UBE2D2: variants seen among roughly 807,000 people sequenced by gnomAD.
The protein encoded by UBE2D2 is ubiquitin-conjugating enzyme E2 D2.
UBE2D2 carries 2 observed loss-of-function variants against 24.2 expected under a neutral mutation model. That is an observed-to-expected ratio of 0.08 (90% CI 0.03 to 0.26). UBE2D2 has a LOEUF of 0.26. Ranked by LOEUF, UBE2D2 falls within the 10% of genes least tolerant of loss-of-function variation. UBE2D2 has a pLI of 1.00. For synonymous variants in UBE2D2, 58 were observed against 56.5 expected (o/e 1.03, Z -0.12); for missense variants, 44 against 177.6 (o/e 0.25, Z 4.28).
rs976867186 is a variant in UBE2D2, at chr5:139,561,608, C to T, written c.-184C>T. On this transcript the variant is annotated 5_prime_UTR_variant, in exon 1 of 7. Coordinates refer to ENST00000398733, the MANE Select transcript of UBE2D2 (RefSeq NM_003339.3). ...CCGCCGGGTGATGCGGTGACCGCTGCGGCAGGCCCAGGAGCTGAGTGGGCC... is the reference window on the plus strand; with the variant it reads ...CCGCCGGGTGATGCGGTGACCGCTGTGGCAGGCCCAGGAGCTGAGTGGGCC... 8.7e-5 allele frequency: 39 copies of T among 448,232 alleles called. No homozygotes were observed. The highest frequency in any genetic ancestry group is 1.2e-4 in the African/African-American group (6 of 48,878). 27.8% of individuals were successfully genotyped at this position (448,232 alleles called of 1,614,324 possible).
intron 1 of UBE2D2, among the ~76,000 whole-genome samples, chr5:139,548,193 A>AAAAAAAAAAATAAATAAATAAAT: frequency 4.2e-4 from 20 of 47,104 alleles, no homozygotes; most frequent in Non-Finnish European, 6.5e-4. Flanking sequence ...ATAAAAAAAA[A>AAAAAAAAAAATAAATAAATAAAT]AAATAAATAA....
chr5:139,604,502 G>T (rs74657279), intron 2 of UBE2D2, among the ~76,000 whole-genome samples: 1 of 152,112 alleles, frequency 6.6e-6, no homozygotes, highest in Non-Finnish European at 1.5e-5. Context: ...CAAAGGATCC[G>T]AGTAGACATT....
At chr5:139,596,908 G>A (rs1160980687) in intron 1 of UBE2D2, among the ~76,000 whole-genome samples, 2 of 151,784 alleles carry the variant, frequency 1.3e-5, no homozygotes, top group African/African-American at 2.4e-5. Context: ...TTAGCCCGGC[G>A]TGGTGGTGGG....
intron 1 of UBE2D2, among the ~76,000 whole-genome samples, chr5:139,572,538 G>A (rs1231247797): frequency 1.3e-5 from 2 of 151,994 alleles, no homozygotes; most frequent in Admixed American, 6.6e-5. Context: ...TAAGGCTGCA[G>A]TGAGCTGTGA....
intron 1 of UBE2D2, 45 bp from the exon 2 acceptor site, chr5:139,600,327 G>T (rs779619366): frequency 1.0e-5 from 16 of 1,585,040 alleles, no homozygotes; most frequent in Non-Finnish European, 1.3e-5. Context: ...TGGATAAAAG[G>T]TACATTTATG....
upstream of UBE2D2, chr5:139,561,167 C>A (rs1409631903): frequency 6.5e-6 from 1 of 152,688 alleles, no homozygotes; most frequent in Non-Finnish European, 1.5e-5. Context: ...CCGCCCAGGG[C>A]TTCGCAGCGT....
At chr5:139,547,975 G>A (rs556569899) in intron 1 of UBE2D2, among the ~76,000 whole-genome samples, 52 of 151,834 alleles carry the variant, frequency 3.4e-4, no homozygotes, top group Admixed American at 2.0e-3. Flanking sequence ...GATTACAGGC[G>A]TGAGCCACCG....
At chr5:139,529,023 C>G (rs139723281) in intron 1 of UBE2D2, among the ~76,000 whole-genome samples, 5,695 of 152,288 alleles carry the variant, frequency 0.037, 132 homozygotes, top group Non-Finnish European at 0.058. Context: ...AAAATTTGGA[C>G]TTGTACAATA....
At position 139,530,898 on chromosome 5, in the gene UBE2D2, C is replaced by T. The variant is rs1752589973; in HGVS notation, c.-64+4286C>T. ...AATAGTAATAGGAACCTGCTTACTG[C>T]TCCCTTGTCTTATACCTGTATTTCT... On this transcript the variant is annotated intron_variant, in intron 1 of 6. Coordinates refer to the UBE2D2 transcript ENST00000511725. Among the ~76,000 whole-genome samples, 5 of 152,218 alleles carry T rather than the reference C, an allele frequency of 3.3e-5. No individual in the cohort carries two copies. In the South Asian group the frequency reaches 1.0e-3, roughly 32 times the overall value.
chr5:139,555,133 C>T lies in UBE2D2; in HGVS notation c.-64+28521C>T, dbSNP rs141586513. ...CAATCTTGGCTAACTGCAACTTCTG[C>T]GTCCCAGGTTCAAGCGATTCTCCTG... On this transcript the variant is annotated intron_variant, in intron 1 of 6. Transcript: ENST00000511725. 13 of 152,110 alleles carry T rather than the reference C, an allele frequency of 8.5e-5. No individual in the cohort carries two copies. In the East Asian group the frequency reaches 1.9e-3, roughly 22 times the overall value. The allele number at this position is 152,110 out of a possible 1,614,324, so 9.4% of individuals were successfully genotyped here.
At chr5:139,617,927 A>G (rs1309362870) in intron 5 of UBE2D2, among the ~76,000 whole-genome samples, 1 of 152,118 alleles carries the variant, frequency 6.6e-6, no homozygotes, top group African/African-American at 2.4e-5. Context: ...TTGTCATGTT[A>G]TCACTTGGAT....
At chr5:139,574,246 C>T (rs1274848673) in intron 1 of UBE2D2, among the ~76,000 whole-genome samples, 1 of 142,236 alleles carries the variant, frequency 7.0e-6, no homozygotes, top group African/African-American at 2.6e-5. Context: ...GCACACTGCA[C>T]TCCAGCCTGG....
At chr5:139,533,786 CT>C (rs35051568) in intron 1 of UBE2D2, among the ~76,000 whole-genome samples, 30,716 of 145,092 alleles carry the variant, frequency 0.21, 3,270 homozygotes, top group South Asian at 0.29. Context: ...TAAAAAACAT[CT>C]TTTTTTTTTT....
intron 1 of UBE2D2, among the ~76,000 whole-genome samples, chr5:139,584,533 C>CTTTTTTTTTTTTTTTTTTTTTT (rs10642044): frequency 1.5e-5 from 2 of 133,068 alleles, no homozygotes; most frequent in African/African-American, 2.9e-5. Context: ...CTTTTCTTTT[C>CTTTTTTTTTTTTTTTTTTTTTT]TTTTTTTTTT....
At chr5:139,587,711 G>A (rs965336859) in intron 1 of UBE2D2, among the ~76,000 whole-genome samples, 1 of 150,584 alleles carries the variant, frequency 6.6e-6, no homozygotes, top group African/African-American at 2.4e-5. Context: ...AGAAGAGTGC[G>A]GTTGCAAGAT....
chr5:139,552,166 T>A (rs1161830593), intron 1 of UBE2D2, among the ~76,000 whole-genome samples: 2 of 150,314 alleles, frequency 1.3e-5, no homozygotes, highest in Non-Finnish European at 3.0e-5. Flanking sequence ...TAGCTAACTT[T>A]TTTTTTTTTT....
rs36027909 is a variant in UBE2D2, at chr5:139,598,919, CTTTTTTTTTTTT to C, written c.25-1438_25-1427del. On this transcript the variant is annotated intron_variant, in intron 1 of 6. Transcript: ENST00000398733. ...TCAGTCAGCCTTTTAAAATATATTC[CTTTTTTTTTTTT>C]TTTTTTTTTTTTTTGAGACAAAGTC... Among the ~76,000 whole-genome samples, 10 of 76,232 alleles carry C rather than the reference CTTTTTTTTTTTT, an allele frequency of 1.3e-4. 1 individual carries two copies. The East Asian group carries it at 2.9e-3, about 22-fold the overall frequency. The allele number at this position is 76,232 out of a possible 152,430, so 50.0% of individuals were successfully genotyped here. A position where few individuals can be genotyped will look rare whatever the true frequency, so the allele number is the denominator to read the frequency against.
intron 1 of UBE2D2, among the ~76,000 whole-genome samples, chr5:139,552,501 T>A (rs1158155268): frequency 1.4e-5 from 2 of 142,000 alleles, no homozygotes; most frequent in African/African-American, 2.9e-5. Context: ...GTTTCTTTTT[T>A]CTTTTTTCTT....
At chr5:139,598,681 C>G (rs559690324) in intron 1 of UBE2D2, among the ~76,000 whole-genome samples, 8 of 150,608 alleles carry the variant, frequency 5.3e-5, no homozygotes, top group African/African-American at 1.7e-4. Context: ...CTGCCTGAGC[C>G]TCTCAAGTAG....
Sources: gnomAD v4.1 joint callset for allele counts (sites outside exome capture counted in the v4.1 genomes callset) on GRCh38, gnomAD v4.1.1 for gene constraint, MANE v1.5 for transcripts, NCBI Gene and HGNC (gene_info 2026-07-23, HGNC 2026-07-21) for gene names.